Variants in SOX5 observed in about 807,000 individuals in gnomAD.
SOX5 encodes SRY-box transcription factor 5.
In SOX5, 9 loss-of-function variants were observed where a neutral mutation model predicts 92.0. The ratio of observed to expected loss-of-function variants is 0.10; its 90% CI spans 0.06 to 0.17. The LOEUF is 0.17. Ranked by LOEUF, SOX5 falls within the 10% of genes least tolerant of loss-of-function variation. SOX5 has a pLI of 1.00. For synonymous variants in SOX5, 344 were observed against 336.3 expected, an observed-to-expected ratio of 1.02 and a Z score of -0.25; for missense variants, 642 against 944.5, an observed-to-expected ratio of 0.68 and a Z score of 4.20.
chr12:24,435,466 T>G (rs1294249109), intron 1 of SOX5, among the ~76,000 whole-genome samples: 3 of 152,224 alleles, frequency 2.0e-5, no homozygotes, highest in Non-Finnish European at 4.4e-5. Flanking sequence ...ATTACATGCT[T>G]CTAAATATTG....
chr12:24,129,002 G>A (rs1192380437), intron 4 of SOX5, among the ~76,000 whole-genome samples: 1 of 152,144 alleles, frequency 6.6e-6, no homozygotes, highest in African/African-American at 2.4e-5. Flanking sequence ...GGGATTTGCT[G>A]ATGGATTTAA....
At position 23,982,390 on chromosome 12, in the gene SOX5, A is replaced by T. The variant is rs115234021; in HGVS notation, c.-1-86366T>A. 3.8e-3 allele frequency among the ~76,000 whole-genome samples: 578 copies of T among 152,310 alleles called. 6 individuals are homozygous for T. Among genetic ancestry groups the T allele is most frequent in the African/African-American group, 0.013 (552 of 41,578 alleles). On this transcript the variant is annotated intron_variant, in intron 4 of 4. Coordinates refer to the SOX5 transcript ENST00000446891. ...ATATGGTACAGAGAACTGGAGAAGA[A>T]TCATTGCTTTTCTTTTTGTGTAAGT...
chr12:23,918,181 T>C (rs1568968096), intron 1 of SOX5, among the ~76,000 whole-genome samples: 2 of 152,238 alleles, frequency 1.3e-5, no homozygotes, highest in Non-Finnish European at 2.9e-5. Context: ...GCATGTTTTA[T>C]GCCTACTAAC....
chr12:23,774,676 A>G (rs181735195), intron 3 of SOX5, among the ~76,000 whole-genome samples: 4 of 152,298 alleles, frequency 2.6e-5, no homozygotes, highest in Admixed American at 2.0e-4. Context: ...GCAAATGAGA[A>G]ATTCTTCACA....
At chr12:23,548,659 G>C (rs1478689166) in intron 11 of SOX5, among the ~76,000 whole-genome samples, 1 of 151,866 alleles carries the variant, frequency 6.6e-6, no homozygotes, top group African/African-American at 2.4e-5. Context: ...TTTAAAAAAA[G>C]TGTGGACAAT....
chr12:23,668,735 G>A (rs539608112), intron 6 of SOX5, among the ~76,000 whole-genome samples: 17 of 151,694 alleles, frequency 1.1e-4, no homozygotes, highest in Admixed American at 7.9e-4. Flanking sequence ...CATGTTATTC[G>A]CAGGTTAAAT....
chr12:23,908,482 A>G (rs890438399), intron 1 of SOX5, among the ~76,000 whole-genome samples: 3 of 152,076 alleles, frequency 2.0e-5, no homozygotes, highest in Non-Finnish European at 2.9e-5. Context: ...TGCCCCATAC[A>G]GACTTGGTTA....
At chr12:24,429,152 C>T (rs1347956019) in intron 1 of SOX5, among the ~76,000 whole-genome samples, 1 of 151,828 alleles carries the variant, frequency 6.6e-6, no homozygotes, top group African/African-American at 2.4e-5. Flanking sequence ...CCTGTCTCTA[C>T]TAAAAATACA....
At chr12:24,247,060 C>T (rs758839257) in intron 3 of SOX5, among the ~76,000 whole-genome samples, 4 of 152,104 alleles carry the variant, frequency 2.6e-5, no homozygotes, top group Non-Finnish European at 5.9e-5. Context: ...CAGTCCTCAA[C>T]GACAAGAGTG....
At chr12:24,039,075 T>C (rs966360785) in intron 4 of SOX5, among the ~76,000 whole-genome samples, 11 of 152,094 alleles carry the variant, frequency 7.2e-5, no homozygotes, top group Non-Finnish European at 1.2e-4. Flanking sequence ...CTTAAGAAAC[T>C]CTCCCCCTTT....
intron 4 of SOX5, among the ~76,000 whole-genome samples, chr12:24,076,920 C>G (rs1306278354): frequency 6.6e-6 from 1 of 152,004 alleles, no homozygotes. Context: ...TTACAGTATT[C>G]CTTAAGAATC....
intron 1 of SOX5, among the ~76,000 whole-genome samples, chr12:24,552,884 T>G (rs1465602231): frequency 2.0e-5 from 3 of 152,000 alleles, no homozygotes; most frequent in African/African-American, 7.2e-5. Flanking sequence ...TAAAGCAAAT[T>G]AGCTGGGCAT....
intron 1 of SOX5, among the ~76,000 whole-genome samples, chr12:24,480,511 G>A (rs4343119): frequency 0.02 from 3,053 of 152,140 alleles, 46 homozygotes; most frequent in South Asian, 0.036. Context: ...CTACCCACCT[G>A]ACAAGAGATT....
chr12:24,459,799 A>G (rs1051311568), intron 1 of SOX5, among the ~76,000 whole-genome samples: 9 of 152,184 alleles, frequency 5.9e-5, no homozygotes, highest in African/African-American at 2.2e-4. Flanking sequence ...TTTGAACTAT[A>G]AAAGAACTAT....
chr12:23,971,997 A>T lies in SOX5; in HGVS notation c.-1-75973T>A, dbSNP rs546808792. Among the ~76,000 whole-genome samples the T allele has an allele frequency of 1.5e-3, 226 of 152,330 alleles. 2 individuals are homozygous for T. The highest frequency in any genetic ancestry group is 2.7e-3 in the Non-Finnish European group (181 of 68,020). On this transcript the variant is annotated intron_variant, in intron 4 of 4. Coordinates refer to the SOX5 transcript ENST00000446891. ...ATAAATGAATGGTTCTCAAATTTTT[A>T]CTGTAGTATCCATTTGGGCATTCAA... is the stretch of plus-strand genomic sequence containing the variant.
At chr12:23,952,924 T>C (rs148568902), upstream of SOX5, among the ~76,000 whole-genome samples, 546 of 152,248 alleles carry the variant, frequency 3.6e-3, 6 homozygotes, top group African/African-American at 0.013. Context: ...GACACCATAA[T>C]GCAGAATAAA....
At chr12:23,841,479 A>G (rs887690072) in intron 3 of SOX5, among the ~76,000 whole-genome samples, 2 of 152,150 alleles carry the variant, frequency 1.3e-5, no homozygotes, top group Non-Finnish European at 2.9e-5. Context: ...TTATGTCCAC[A>G]TAAAAAGCTG....
intron 4 of SOX5, among the ~76,000 whole-genome samples, chr12:24,117,405 T>G (rs936198303): frequency 1.3e-5 from 2 of 152,096 alleles, no homozygotes; most frequent in African/African-American, 4.8e-5. Context: ...GTATGGAGGT[T>G]CCTCAAAAAA....
intron 3 of SOX5, among the ~76,000 whole-genome samples, chr12:24,238,652 C>T (rs1177109186): frequency 2.0e-5 from 3 of 152,100 alleles, no homozygotes; most frequent in Non-Finnish European, 4.4e-5. Flanking sequence ...CCACAGTGCC[C>T]GGCCACAGAG....
Sources: allele counts gnomAD v4.1 joint callset (sites outside exome capture counted in the v4.1 genomes callset), GRCh38; gene constraint gnomAD v4.1.1; transcripts MANE v1.5; gene names NCBI Gene and HGNC (gene_info 2026-07-23, HGNC 2026-07-21).